Variants in EZH2 observed in about 807,000 individuals in gnomAD.
EZH2 encodes the protein histone-lysine N-methyltransferase EZH2.
Under a neutral mutation model 98.4 loss-of-function variants are expected in EZH2, and 18 were observed. The observed-to-expected ratio is 0.18, with a 90% CI of 0.13 to 0.27. The LOEUF is 0.27. EZH2 is among the 10% of genes least tolerant of loss of function. The probability of loss-of-function intolerance (pLI) is 1.00; values close to 1 mark genes in which losing one functional copy is unlikely to be tolerated. For missense variants in EZH2, 470 were observed against 935.1 expected, an observed-to-expected ratio of 0.50 and a Z score of 6.49; for synonymous variants, 338 against 312.3, an observed-to-expected ratio of 1.08 and a Z score of -0.87.
At chr7:148,845,544 T>C (rs922969471) in intron 3 of EZH2, among the ~76,000 whole-genome samples, 2 of 152,330 alleles carry the variant, frequency 1.3e-5, no homozygotes, top group African/African-American at 4.8e-5. Context: ...GGGATATCAC[T>C]GACAAGTCTT....
chr7:148,829,677 G>A lies in EZH2; in HGVS notation c.484+51C>T, dbSNP rs753005698. On this transcript the variant is annotated intron_variant, in intron 5 of 19. Transcript: ENST00000320356. Reference sequence around the variant, plus strand: ...CCCTATATGCTTCATAAACAAAAGTGTCTCTCAATTCTTTAGCCCCTTTTT... The same window carrying A: ...CCCTATATGCTTCATAAACAAAAGTATCTCTCAATTCTTTAGCCCCTTTTT... 34 of 1,582,662 alleles carry A rather than the reference G, an allele frequency of 2.1e-5. No homozygotes were observed. The African/African-American group carries it at 2.5e-4, about 11-fold the overall frequency.
At chr7:148,842,571 A>C (rs1006180359) in intron 3 of EZH2, among the ~76,000 whole-genome samples, 7 of 152,230 alleles carry the variant, frequency 4.6e-5, no homozygotes, top group Non-Finnish European at 1.0e-4. Flanking sequence ...GATTAATGAC[A>C]GTGTGAAGCT....
Position 148,827,119 on chromosome 7 carries a change from A to G in EZH2, c.728+45T>C. On this transcript the variant is annotated intron_variant, in intron 7 of 19. Coordinates refer to ENST00000320356, the MANE Select transcript of EZH2 (RefSeq NM_004456.5). ...TTGTAATAAACCAAAATGGTGAGTTACATACCATACAGGGCAAGATTGCCT... is the reference window on the plus strand; with the variant it reads ...TTGTAATAAACCAAAATGGTGAGTTGCATACCATACAGGGCAAGATTGCCT... The G allele has an allele frequency of 2.1e-6, 3 of 1,455,776 alleles. No individual in the cohort carries two copies. The South Asian group carries it at 3.6e-5, about 18-fold the overall frequency. The allele number at this position is 1,455,776 out of a possible 1,614,324, so 90.2% of individuals were successfully genotyped here.
intron 8 of EZH2, among the ~76,000 whole-genome samples, chr7:148,825,118 G>A (rs964377342): frequency 9.9e-5 from 15 of 152,268 alleles, no homozygotes; most frequent in Non-Finnish European, 2.1e-4. Flanking sequence ...ACCTTTCAGC[G>A]ACTCCAAAAT....
chr7:148,819,778 A>G (rs909884463), intron 8 of EZH2, 91 bp from the exon 9 acceptor site: 2 of 1,120,982 alleles, frequency 1.8e-6, no homozygotes, highest in Non-Finnish European at 2.6e-6. Context: ...CAATTAATGG[A>G]TTATAATCTT....
intron 1 of EZH2, chr7:148,850,396 T>C (rs1815408537): frequency 1.6e-6 from 1 of 625,790 alleles, no homozygotes. Context: ...GTACTAGAAC[T>C]GTCCTTGTCT....
chr7:148,854,499 G>C (rs1304790592), intron 1 of EZH2, among the ~76,000 whole-genome samples: 1 of 151,246 alleles, frequency 6.6e-6, no homozygotes, highest in Non-Finnish European at 1.5e-5. Flanking sequence ...CCACCTATTT[G>C]GTCTGGCCAA....
chr7:148,835,311 T>C (rs150999231), intron 3 of EZH2, among the ~76,000 whole-genome samples: 136 of 151,468 alleles, frequency 9.0e-4, no homozygotes, highest in African/African-American at 3.2e-3. Context: ...TAGTCCCAGC[T>C]ACTTGAGGGG....
chr7:148,881,026 T>C (rs1024667823), intron 1 of EZH2, among the ~76,000 whole-genome samples: 2 of 152,174 alleles, frequency 1.3e-5, no homozygotes, highest in Non-Finnish European at 2.9e-5. Context: ...CCATGAACCT[T>C]TCTCTGAATT....
intron 1 of EZH2, among the ~76,000 whole-genome samples, chr7:148,866,707 T>TATATATATACATATATGC (rs1818602141): frequency 7.0e-6 from 1 of 143,078 alleles, no homozygotes; most frequent in African/African-American, 2.7e-5. Context: ...CATATATGCA[T>TATATATATACATATATGC]ATATATATAT....
chr7:148,815,337 G>A (rs571923447), intron 13 of EZH2, among the ~76,000 whole-genome samples, 169 bp downstream of exon 13: 1 of 152,318 alleles, frequency 6.6e-6, no homozygotes, highest in East Asian at 1.9e-4. Context: ...TTACAGAAGA[G>A]AATTGACTGG....
chr7:148,868,761 C>A (rs1818905719), intron 1 of EZH2, among the ~76,000 whole-genome samples: 1 of 152,052 alleles, frequency 6.6e-6, no homozygotes, highest in African/African-American at 2.4e-5. Flanking sequence ...TAGAATGTCT[C>A]TTTCTAGAGA....
chr7:148,856,718 A>G (rs56248471), intron 1 of EZH2, among the ~76,000 whole-genome samples: 6,651 of 152,276 alleles, frequency 0.044, 244 homozygotes, highest in Admixed American at 0.1. Context: ...AGAAACTCTC[A>G]GTGGCCAAAG....
At chr7:148,845,830 A>G (rs1813870591) in intron 3 of EZH2, among the ~76,000 whole-genome samples, 1 of 152,214 alleles carries the variant, frequency 6.6e-6, no homozygotes, top group South Asian at 2.1e-4. Flanking sequence ...AAAAACAGAA[A>G]TGCCTAAGCT....
chr7:148,823,760 C>G (rs1419597414), intron 8 of EZH2, among the ~76,000 whole-genome samples: 1 of 151,902 alleles, frequency 6.6e-6, no homozygotes. Context: ...AAGCAGTCCT[C>G]CCACCTCTGC....
intron 1 of EZH2, among the ~76,000 whole-genome samples, chr7:148,874,424 A>T (rs993285080): frequency 1.3e-5 from 2 of 151,940 alleles, no homozygotes; most frequent in Non-Finnish European, 2.9e-5. Context: ...CACCTATCAG[A>T]GATAATACTA....
intron 1 of EZH2, 71 bp from the exon 2 acceptor site, chr7:148,847,376 C>A (rs545904496): frequency 1.3e-6 from 2 of 1,560,936 alleles, no homozygotes; most frequent in African/African-American, 2.7e-5. Flanking sequence ...TGTTTTAATC[C>A]GCAGCAAACT....
At chr7:148,812,129 T>G (rs1217260078) in intron 15 of EZH2, among the ~76,000 whole-genome samples, 1 of 152,172 alleles carries the variant, frequency 6.6e-6, no homozygotes, top group Non-Finnish European at 1.5e-5. Flanking sequence ...TCCCTCTACT[T>G]TCCCCAAGTG....
chr7:148,879,708 T>C (rs1563081244), intron 1 of EZH2, among the ~76,000 whole-genome samples: 1 of 151,418 alleles, frequency 6.6e-6, no homozygotes, highest in African/African-American at 2.4e-5. Flanking sequence ...AAATAATAAA[T>C]AATAAATAAA....
Sources: gnomAD v4.1 joint callset for allele counts (sites outside exome capture counted in the v4.1 genomes callset) on GRCh38, gnomAD v4.1.1 for gene constraint, MANE v1.5 for transcripts, NCBI Gene and HGNC (gene_info 2026-07-23, HGNC 2026-07-21) for gene names.